CORO2B: variants seen among roughly 807,000 people sequenced by gnomAD.
CORO2B encodes coronin 2B.
Under a neutral mutation model 58.8 loss-of-function variants are expected in CORO2B, and 26 were observed. The ratio of observed to expected loss-of-function variants is 0.44; its 90% confidence interval spans 0.32 to 0.61. The LOEUF is 0.61. CORO2B is among the 20% of genes least tolerant of loss of function. The probability of loss-of-function intolerance (pLI) is 0.04; values close to 1 mark genes in which losing one functional copy is unlikely to be tolerated. For missense variants in CORO2B, 460 were observed against 645.1 expected (o/e 0.71, Z 3.11); for synonymous variants, 242 against 253.8 (o/e 0.95, Z 0.44).
At chr15:68,565,522 T>TAA in the CORO2B span, among the ~76,000 whole-genome samples, 1,058 of 151,024 alleles carry the variant, frequency 7.0e-3, 16 homozygotes, top group African/African-American at 0.024. Flanking sequence ...TTTTTTCAAA[T>TAA]AAAAATAAAT....
the CORO2B span, among the ~76,000 whole-genome samples, chr15:68,526,474 G>A: frequency 6.6e-6 from 1 of 152,136 alleles, no homozygotes; most frequent in South Asian, 2.1e-4. Context: ...TTGTGGTTTA[G>A]GCTTTCATTT....
intron 2 of CORO2B, among the ~76,000 whole-genome samples, chr15:68,681,090 G>A (rs1902763609): frequency 6.6e-6 from 1 of 151,998 alleles, no homozygotes; most frequent in Non-Finnish European, 1.5e-5. Context: ...GCAGGTGCCT[G>A]TAATCCCAGC....
chr15:68,593,925 T>C (rs1011525018), intron 1 of CORO2B, among the ~76,000 whole-genome samples: 3 of 151,694 alleles, frequency 2.0e-5, no homozygotes, highest in Admixed American at 1.3e-4. Flanking sequence ...GACAAATGCA[T>C]TTAAGAAGGG....
At chr15:68,681,284 T>G (rs1902772616) in intron 2 of CORO2B, among the ~76,000 whole-genome samples, 1 of 151,890 alleles carries the variant, frequency 6.6e-6, no homozygotes, top group Admixed American at 6.6e-5. Flanking sequence ...TGAAGTGCAC[T>G]AAATCGTCTC....
At chr15:68,587,197 AAAAC>A (rs1173883320) in intron 1 of CORO2B, among the ~76,000 whole-genome samples, 1 of 152,102 alleles carries the variant, frequency 6.6e-6, no homozygotes, top group Non-Finnish European at 1.5e-5. Context: ...CCCCATCTCT[AAAAC>A]AAACAAACAA....
chr15:68,525,599 C>A, the CORO2B span, among the ~76,000 whole-genome samples: 1 of 152,156 alleles, frequency 6.6e-6, no homozygotes, highest in Non-Finnish European at 1.5e-5. Context: ...AATCTCCAGA[C>A]TCTTGTCTCA....
chr15:68,592,468 A>G (rs1017277419), intron 1 of CORO2B, among the ~76,000 whole-genome samples: 1 of 152,068 alleles, frequency 6.6e-6, no homozygotes, highest in East Asian at 1.9e-4. Flanking sequence ...TATGAGAGAA[A>G]CTTCTGGAGT....
chr15:68,614,095 G>T (rs1900300377), intron 1 of CORO2B, among the ~76,000 whole-genome samples: 1 of 152,148 alleles, frequency 6.6e-6, no homozygotes, highest in African/African-American at 2.4e-5. Flanking sequence ...GGATTCTTGG[G>T]TTCTCACACA....
At chr15:68,648,029 CAAAAA>C (rs59821203) in intron 2 of CORO2B, among the ~76,000 whole-genome samples, 1 of 84,304 alleles carries the variant, frequency 1.2e-5, no homozygotes, top group Admixed American at 1.4e-4. Flanking sequence ...TCCTGTCTCT[CAAAAA>C]AAAAAAAAAA....
At chr15:68,624,135 C>G (rs1900608263) in intron 1 of CORO2B, among the ~76,000 whole-genome samples, 1 of 152,100 alleles carries the variant, frequency 6.6e-6, no homozygotes, top group African/African-American at 2.4e-5. Context: ...AAAAATAAAG[C>G]CAGCTGCCCA....
chr15:68,688,227 A>G (rs770490718), intron 2 of CORO2B, among the ~76,000 whole-genome samples: 42 of 152,324 alleles, frequency 2.8e-4, no homozygotes, highest in Admixed American at 9.8e-4. Flanking sequence ...TAACAATTTT[A>G]TATGTTTGTT....
chr15:68,667,947 C>T (rs141550534), intron 2 of CORO2B, among the ~76,000 whole-genome samples: 2,756 of 152,248 alleles, frequency 0.018, 54 homozygotes, highest in Middle Eastern at 0.041. Context: ...TATTTGTAAA[C>T]GAGAGATAAT....
intron 6 of CORO2B, among the ~76,000 whole-genome samples, chr15:68,714,346 C>A (rs1892984031): frequency 6.6e-6 from 1 of 152,142 alleles, no homozygotes; most frequent in Non-Finnish European, 1.5e-5. Flanking sequence ...AGAACAAGTC[C>A]CTTGCCTCCT....
At position 68,710,635 on chromosome 15, in the gene CORO2B, G is replaced by T; in HGVS notation, c.334-97G>T. The T allele has an allele frequency of 7.4e-7, 1 of 1,358,330 alleles. No individual in the cohort carries two copies. Among genetic ancestry groups the T allele is most frequent in the Non-Finnish European group, 9.6e-7 (1 of 1,036,310 alleles). The allele number at this position is 1,358,330 out of a possible 1,614,324, so 84.1% of individuals were successfully genotyped here. A position where few individuals can be genotyped will look rare whatever the true frequency, so the allele number is the denominator to read the frequency against. ...AAGCCAGGAGGTGGCTCATCAGGCAGATCTCAGAAAGCCTGGTGTCCGAGG... is the reference window on the plus strand; with the variant it reads ...AAGCCAGGAGGTGGCTCATCAGGCATATCTCAGAAAGCCTGGTGTCCGAGG... On this transcript the variant is annotated intron_variant, in intron 3 of 11. Coordinates refer to ENST00000261861, the MANE Select transcript of CORO2B (RefSeq NM_006091.5). This position sits in a 1 kb window ranked among gnomAD's most constrained non-coding sequence, Gnocchi z 4.1.
chr15:68,722,112 A>G (rs1432444560), intron 11 of CORO2B, among the ~76,000 whole-genome samples: 10 of 152,224 alleles, frequency 6.6e-5, no homozygotes, highest in Non-Finnish European at 4.4e-5. Context: ...GGTCATTGTG[A>G]TAGCCCAGGA....
chr15:68,531,582 AAGAG>A, the CORO2B span, among the ~76,000 whole-genome samples: 2 of 149,460 alleles, frequency 1.3e-5, no homozygotes, highest in African/African-American at 4.9e-5. Context: ...AAGAGAAAGA[AAGAG>A]AAAGAAAGAA....
At chr15:68,585,979 A>G (rs1443194191) in intron 1 of CORO2B, among the ~76,000 whole-genome samples, 1 of 152,238 alleles carries the variant, frequency 6.6e-6, no homozygotes, top group Non-Finnish European at 1.5e-5. Context: ...TCCCTGGTCC[A>G]GGCCTGCAGC....
At chr15:68,705,167 T>C (rs1892752424) in intron 3 of CORO2B, among the ~76,000 whole-genome samples, 1 of 152,244 alleles carries the variant, frequency 6.6e-6, no homozygotes, top group South Asian at 2.1e-4. Context: ...GTTTGGAAGA[T>C]TAACTAATAC....
the CORO2B span, among the ~76,000 whole-genome samples, chr15:68,549,532 C>T: frequency 1.3e-5 from 2 of 152,230 alleles, no homozygotes; most frequent in African/African-American, 4.8e-5. Flanking sequence ...TAAGCCCTGA[C>T]TGGTCCAGCC....
Sources: allele counts gnomAD v4.1 joint callset (sites outside exome capture counted in the v4.1 genomes callset), GRCh38; gene constraint gnomAD v4.1.1; non-coding constraint Gnocchi (gnomAD v3.1); transcripts MANE v1.5; gene names NCBI Gene and HGNC (gene_info 2026-07-23, HGNC 2026-07-21).